Variants in C2CD3 observed in about 807,000 individuals in gnomAD.
The protein encoded by C2CD3 is C2 domain containing 3 centriole elongation regulator, also known as C2 domain-containing protein 3.
C2CD3 carries 148 observed loss-of-function variants against 234.0 expected under a neutral mutation model. The observed-to-expected ratio is 0.63, with a 90% CI of 0.55 to 0.72. The LOEUF (loss-of-function observed/expected upper bound fraction) is 0.72, where lower values mean the gene tolerates loss of function less well. Among genes scored for constraint, C2CD3 ranks in the 30% least tolerant of loss-of-function variants. C2CD3 has a pLI of 0.00. For missense variants in C2CD3, 2,577 were observed against 2,811.5 expected, an observed-to-expected ratio of 0.92 and a Z score of 1.89; for synonymous variants, 1,000 against 1,035.4, an observed-to-expected ratio of 0.97 and a Z score of 0.66.
intron 11 of C2CD3, among the ~76,000 whole-genome samples, chr11:74,111,919 TACAC>T (rs61499954): frequency 0.051 from 6,359 of 124,796 alleles, 193 homozygotes; most frequent in African/African-American, 0.089. Context: ...TATTTGCTGA[TACAC>T]ACACACACAC....
chr11:74,082,975 G>T (rs1442961618), intron 22 of C2CD3, among the ~76,000 whole-genome samples: 2 of 152,122 alleles, frequency 1.3e-5, no homozygotes, highest in Admixed American at 6.6e-5. Flanking sequence ...AAAAGAGCCC[G>T]CATTGCCAAG....
intron 3 of C2CD3, among the ~76,000 whole-genome samples, chr11:74,153,201 C>CT (rs1855782368): frequency 7.0e-6 from 1 of 142,104 alleles, no homozygotes; most frequent in Non-Finnish European, 1.6e-5. Flanking sequence ...GAGTGAGACT[C>CT]TGTCTCTTAA....
In C2CD3 at chr11:74,138,303, G is replaced by A. The variant is rs772461220; in HGVS notation, c.955+417C>T. ...TAAGATCAGCAGCTGTGTACTGAACGTTCTCACTAAGACTAAGAGTTTTCA... is the reference window on the plus strand; with the variant it reads ...TAAGATCAGCAGCTGTGTACTGAACATTCTCACTAAGACTAAGAGTTTTCA... On this transcript the variant is annotated intron_variant, in intron 5 of 32. Transcript: ENST00000334126. 1.5e-4 allele frequency among the ~76,000 whole-genome samples: 23 copies of A among 152,250 alleles called. No individual in the cohort carries two copies. In the South Asian group the frequency reaches 3.1e-3, roughly 21 times the overall value.
In C2CD3 at chr11:74,037,333, G is replaced by A; in HGVS notation, c.5881+145C>T. The A allele has an allele frequency of 7.2e-6, 5 of 694,948 alleles. No individual in the cohort carries two copies. The South Asian group carries it at 8.8e-5, about 12-fold the overall frequency. 43.0% of individuals were successfully genotyped at this position (694,948 alleles called of 1,614,324 possible). On this transcript the variant is annotated intron_variant, in intron 30 of 32. Transcript: ENST00000334126. ...TGTCCCTCCTTTTCAAACGCAAGAT[G>A]GTTAAAAAAAAAAAAAAAGGAAGAG... is the stretch of plus-strand genomic sequence containing the variant.
intron 24 of C2CD3, among the ~76,000 whole-genome samples, chr11:74,069,121 T>C (rs746645691): frequency 5.9e-5 from 9 of 152,220 alleles, no homozygotes; most frequent in Non-Finnish European, 1.2e-4. Context: ...TTTTTAAAGC[T>C]GCTATTTGCT....
rs143218843 is a variant in C2CD3 at position 74,113,809 on chromosome 11, C to T, written c.1814G>A (p.Arg605Gln). ...GKTALITEVVRLASSKITDGK... is the reference protein window; with the variant it reads ...GKTALITEVVQLASSKITDGK... ...ATCTGTAATTTTACTGGAGGCGAGT[C>T]GAACAACCTCAGTGATCAAAGCTGT... Residue 605 changes from arginine (R) to glutamine (Q), a missense_variant, in exon 11 of 33, where the codon CGA becomes CAA. Arg to Gln is a conservative substitution (Grantham distance 43, BLOSUM62 1). Coordinates refer to ENST00000334126, the MANE Select transcript of C2CD3 (RefSeq NM_001286577.2). The T allele has an allele frequency of 8.3e-5, 134 of 1,611,838 alleles. No individual in the cohort carries two copies. The highest frequency in any genetic ancestry group is 1.1e-4 in the Non-Finnish European group (128 of 1,178,450).
rs779829238 is a variant in C2CD3 at position 74,109,038 on chromosome 11, T to C, written c.1958A>G (p.Lys653Arg). The C allele has an allele frequency of 6.4e-7, 1 of 1,563,056 alleles. No individual in the cohort carries two copies. Among genetic ancestry groups the C allele is most frequent in the Non-Finnish European group, 8.8e-7 (1 of 1,135,646 alleles). ...FQIYVKKTPQ[K>R]KPEVIGSVSL... ...GGCCAAAATCACTCAAAGTACCTTT[T>C]TCTGTGGAGTTTTCTTTACATAAAT... Residue 653 changes from lysine (K) to arginine (R), a missense_variant, in exon 12 of 33, where the codon AAA becomes AGA. Coordinates refer to ENST00000334126, the MANE Select transcript of C2CD3 (RefSeq NM_001286577.2).
intron 7 of C2CD3, among the ~76,000 whole-genome samples, chr11:74,131,924 C>G (rs1015329467): frequency 1.3e-5 from 2 of 152,192 alleles, no homozygotes; most frequent in African/African-American, 4.8e-5. Flanking sequence ...TGCTTTTAAC[C>G]ACTATGCCCT....
At chr11:74,055,089 G>A (rs535861422) in intron 25 of C2CD3, among the ~76,000 whole-genome samples, 4 of 152,322 alleles carry the variant, frequency 2.6e-5, no homozygotes, top group East Asian at 3.9e-4. Flanking sequence ...CCTTGGGCCA[G>A]GCATGGCACC....
chr11:74,083,457 T>C (rs545935678), intron 22 of C2CD3, among the ~76,000 whole-genome samples: 1 of 152,268 alleles, frequency 6.6e-6, no homozygotes, highest in Non-Finnish European at 1.5e-5. Context: ...CTAATTAAAC[T>C]AAAGAGCTTC....
intron 24 of C2CD3, among the ~76,000 whole-genome samples, chr11:74,061,057 G>C (rs939419515): frequency 6.6e-6 from 1 of 152,080 alleles, no homozygotes; most frequent in African/African-American, 2.4e-5. Context: ...GAAATGAAGC[G>C]AGTAGAGAAG....
In C2CD3 at chr11:74,041,100, T is replaced by C. The variant is rs532050843; in HGVS notation, c.5660+954A>G. Reference sequence around the variant, plus strand: ...TTTGATTGTAGCAACCTCCATATTGTTCTTTTAAGTGGTTACATAATGTTG... The same window carrying C: ...TTTGATTGTAGCAACCTCCATATTGCTCTTTTAAGTGGTTACATAATGTTG... On this transcript the variant is annotated intron_variant, in intron 29 of 32. Coordinates refer to ENST00000334126, the MANE Select transcript of C2CD3 (RefSeq NM_001286577.2). Among the ~76,000 whole-genome samples, 8 of 152,240 alleles carry C rather than the reference T, an allele frequency of 5.3e-5. No individual in the cohort carries two copies. The South Asian group carries it at 1.2e-3, about 24-fold the overall frequency.
At chr11:74,030,453 C>A (rs1199463024) in intron 31 of C2CD3, among the ~76,000 whole-genome samples, 1 of 152,192 alleles carries the variant, frequency 6.6e-6, no homozygotes, top group East Asian at 1.9e-4. Flanking sequence ...ACCAGTGATA[C>A]ATGTCAGCCA....
intron 3 of C2CD3, among the ~76,000 whole-genome samples, chr11:74,155,718 G>C (rs563470908): frequency 6.6e-6 from 1 of 152,316 alleles, no homozygotes; most frequent in East Asian, 1.9e-4. Flanking sequence ...TAGGTTAGTA[G>C]TTGTCAAGGG....
chr11:74,167,843 T>C (rs1450143281), intron 2 of C2CD3, among the ~76,000 whole-genome samples: 2 of 152,244 alleles, frequency 1.3e-5, no homozygotes, highest in South Asian at 4.1e-4. Context: ...ACTAACTCAC[T>C]AAACCATTCA....
chr11:74,161,161 T>C (rs1417754501), intron 3 of C2CD3, among the ~76,000 whole-genome samples: 3 of 152,140 alleles, frequency 2.0e-5, no homozygotes, highest in South Asian at 2.1e-4. Flanking sequence ...ACAAGAAGAA[T>C]GAATGCTGTA....
Position 74,109,242 on chromosome 11 carries a change from A to C in C2CD3, c.1844-90T>G, listed in dbSNP as rs572018419. The C allele has an allele frequency of 4.5e-6, 3 of 667,202 alleles. No homozygotes were observed. The South Asian group carries it at 6.2e-5, about 14-fold the overall frequency. The allele number at this position is 667,202 out of a possible 1,614,324, so 41.3% of individuals were successfully genotyped here. A position where few individuals can be genotyped will look rare whatever the true frequency, so the allele number is the denominator to read the frequency against. The stretch of plus-strand genomic sequence containing the variant: ...CCTTGATACCACCTGCCTCCCTTTC[A>C]AATTTAATTAAAATCTCCTGCAGAA... On this transcript the variant is annotated intron_variant, in intron 11 of 32. Coordinates refer to ENST00000334126, the MANE Select transcript of C2CD3 (RefSeq NM_001286577.2).
At chr11:74,143,622 G>A (rs934941947) in intron 3 of C2CD3, among the ~76,000 whole-genome samples, 3 of 150,676 alleles carry the variant, frequency 2.0e-5, no homozygotes, top group Non-Finnish European at 4.4e-5. Context: ...CTGGCCTTAA[G>A]TGATTCTCCC....
At chr11:74,075,366 TG>T (rs35261928) in intron 23 of C2CD3, among the ~76,000 whole-genome samples, 115,713 of 121,122 alleles carry the variant, frequency 0.96, 55,155 homozygotes, top group Middle Eastern at 0.98. Flanking sequence ...GGCGATATTT[TG>T]GGGGGGGGTG....
Sources: gnomAD v4.1 joint callset for allele counts (sites outside exome capture counted in the v4.1 genomes callset) on GRCh38, gnomAD v4.1.1 for gene constraint, MANE v1.5 for transcripts, NCBI Gene and HGNC (gene_info 2026-07-23, HGNC 2026-07-21) for gene names.